The following SLC16A2 variants were observed in gnomAD, a reference collection of about 807,000 sequenced individuals.
SLC16A2 encodes the protein monocarboxylate transporter 8.
A neutral mutation model predicts 27.2 loss-of-function variants in SLC16A2; 3 were observed. The observed-to-expected ratio is 0.11, with a 90% CI of 0.05 to 0.28. SLC16A2 has a LOEUF of 0.28. SLC16A2 is among the 10% of genes least tolerant of loss of function. The probability of loss-of-function intolerance (pLI) is 1.00; values close to 1 mark genes in which losing one functional copy is unlikely to be tolerated. For missense variants in SLC16A2, 295 were observed against 458.5 expected (o/e 0.64, Z 3.26); for synonymous variants, 202 against 187.8 (o/e 1.08, Z -0.62).
intron 1 of SLC16A2, among the ~76,000 whole-genome samples, chrX:74,475,634 A>G (rs1474451169): frequency 8.9e-6 from 1 of 111,969 alleles, no homozygotes; most frequent in Non-Finnish European, 1.9e-5. Context: ...TAAATCTTTA[A>G]TCCATCTTGA....
At chrX:74,529,499 T>C (rs959474544) in intron 5 of SLC16A2, 58 bp downstream of exon 5, 6 of 896,084 alleles carry the variant, frequency 6.7e-6, no homozygotes, top group Non-Finnish European at 7.8e-6. Flanking sequence ...CCCTGGGTAC[T>C]GGCACTCCTG....
intron 1 of SLC16A2, among the ~76,000 whole-genome samples, chrX:74,519,473 G>A (rs1930368899): frequency 2.9e-5 from 3 of 103,166 alleles, no homozygotes; most frequent in Non-Finnish European, 4.0e-5. Flanking sequence ...CACCACGCCT[G>A]GCCCTGATCA....
Position 74,421,562 on chromosome X carries a change from C to T in SLC16A2, c.-76C>T. The T allele has an allele frequency of 8.8e-7, 1 of 1,137,733 alleles. No homozygotes were observed. The highest frequency in any genetic ancestry group is 1.2e-6 in the Non-Finnish European group (1 of 839,458). The allele number at this position is 1,137,733 out of a possible 1,213,427, so 93.8% of individuals were successfully genotyped here. A position where few individuals can be genotyped will look rare whatever the true frequency, so the allele number is the denominator to read the frequency against. ...GCAGCAGCAGCCCTCCGAGCAGCAG[C>T]AGCTGCAGCAGCAGAAACAAGTACC... On this transcript the variant is annotated 5_prime_UTR_variant, in exon 1 of 6. Transcript: ENST00000587091.
rs772493464 is a variant in SLC16A2, at chrX:74,522,673, A to G, written c.575+1539A>G. On this transcript the variant is annotated intron_variant, in intron 2 of 5. Coordinates refer to ENST00000587091, the MANE Select transcript of SLC16A2 (RefSeq NM_006517.5). ...CCTTCCAATCCACATGGGCTCAATT[A>G]CAGGAGGGGAAGGAGCTCAGATGTG... Among the ~76,000 whole-genome samples the G allele has an allele frequency of 5.0e-4, 56 of 112,177 alleles. No homozygotes were observed. The South Asian group carries it at 0.015, about 31-fold the overall frequency.
chrX:74,454,624 G>A (rs1470693127), intron 1 of SLC16A2, among the ~76,000 whole-genome samples: 1 of 108,387 alleles, frequency 9.2e-6, no homozygotes, highest in Admixed American at 9.9e-5. Flanking sequence ...TATACCTAAT[G>A]TTAAATGACG....
At chrX:74,496,707 T>C (rs1356099801) in intron 1 of SLC16A2, among the ~76,000 whole-genome samples, 1 of 112,567 alleles carries the variant, frequency 8.9e-6, no homozygotes, top group Non-Finnish European at 1.9e-5. Flanking sequence ...TGCCTTGGTG[T>C]ACCAGAAGAA....
At chrX:74,451,503 A>G (rs758300477) in intron 1 of SLC16A2, among the ~76,000 whole-genome samples, 3 of 112,403 alleles carry the variant, frequency 2.7e-5, no homozygotes, top group African/African-American at 6.5e-5. Flanking sequence ...CACTTTTCCA[A>G]TGAATCCCCT....
At chrX:74,495,761 G>A (rs1244471944) in intron 1 of SLC16A2, among the ~76,000 whole-genome samples, 1 of 111,329 alleles carries the variant, frequency 9.0e-6, no homozygotes, top group Non-Finnish European at 1.9e-5. Flanking sequence ...CTGTCAGGAA[G>A]GTCTTCCTGC....
At chrX:74,435,021 G>A (rs184721328) in intron 1 of SLC16A2, among the ~76,000 whole-genome samples, 78 of 106,866 alleles carry the variant, frequency 7.3e-4, no homozygotes, top group African/African-American at 2.3e-3. Flanking sequence ...TAGTAGAGAC[G>A]GGGTTTCACC....
chrX:74,488,043 G>A (rs764645895), intron 1 of SLC16A2, among the ~76,000 whole-genome samples: 3 of 111,718 alleles, frequency 2.7e-5, no homozygotes, highest in African/African-American at 6.5e-5. Context: ...AATTACTGGA[G>A]AGAGTTGAGA....
Position 74,421,905 on chromosome X carries a change from C to G in SLC16A2, c.268C>G (p.Arg90Gly), listed in dbSNP as rs1212806180. Reference protein sequence around the residue: ...TPTVETRGTARGFQPPEGGFG... With the variant: ...TPTVETRGTAGGFQPPEGGFG... ...TACGGTAGAGACCCGCGGCACCGCG[C>G]GCGGCTTCCAGCCTCCCGAAGGTGG... The change falls in exon 1 of 6, where the codon CGC becomes GGC. Residue 90 changes from arginine to glycine, a missense_variant. Physicochemically the swap from Arg to Gly is moderately radical, Grantham distance 125. Around this residue, in one of 3 missense-constraint regions of SLC16A2, gnomAD observed 92 missense variants for 85.1 expected, o/e 1.08. Coordinates refer to ENST00000587091, the MANE Select transcript of SLC16A2 (RefSeq NM_006517.5). 1 of 1,209,445 alleles carries G rather than the reference C, an allele frequency of 8.3e-7. No individual in the cohort carries two copies. Among genetic ancestry groups the G allele is most frequent in the Non-Finnish European group, 1.1e-6 (1 of 894,926 alleles).
intron 1 of SLC16A2, among the ~76,000 whole-genome samples, chrX:74,442,228 C>CA (rs1278847714): frequency 0.066 from 2,507 of 37,986 alleles, 150 homozygotes; most frequent in African/African-American, 0.19. Flanking sequence ...AACTCCGTCT[C>CA]AAAAAAAAAA....
At chrX:74,477,891 A>T (rs1407410112) in intron 1 of SLC16A2, among the ~76,000 whole-genome samples, 1 of 111,770 alleles carries the variant, frequency 8.9e-6, no homozygotes, top group Non-Finnish European at 1.9e-5. Context: ...TTTGCTGAGG[A>T]GTGCTTTACT....
At chrX:74,432,189 C>T (rs1241241769) in intron 1 of SLC16A2, among the ~76,000 whole-genome samples, 1 of 110,963 alleles carries the variant, frequency 9.0e-6, no homozygotes, top group Non-Finnish European at 1.9e-5. Context: ...CACTTCCTCC[C>T]GAGGGTCTCT....
Position 74,533,364 on chromosome X carries a change from T to C in SLC16A2, c.*1811T>C, listed in dbSNP as rs978867373. ...CCCCAAAGGAAAACCCACTGGTTCT[T>C]AGCTCTGTGGGTAGGAAGGGGCCCT... On this transcript the variant is annotated 3_prime_UTR_variant, in exon 6 of 6. Coordinates refer to ENST00000587091, the MANE Select transcript of SLC16A2 (RefSeq NM_006517.5). The C allele has an allele frequency of 8.9e-6, 1 of 112,380 alleles. No homozygotes were observed. Among genetic ancestry groups the C allele is most frequent in the Non-Finnish European group, 1.9e-5 (1 of 53,173 alleles). 9.3% of individuals were successfully genotyped at this position (112,380 alleles called of 1,213,427 possible).
At chrX:74,427,550 A>G (rs935569028) in intron 1 of SLC16A2, among the ~76,000 whole-genome samples, 1 of 112,109 alleles carries the variant, frequency 8.9e-6, no homozygotes, top group Non-Finnish European at 1.9e-5. Context: ...AGAAGTATAT[A>G]AAGGATGCCA....
intron 1 of SLC16A2, among the ~76,000 whole-genome samples, chrX:74,475,421 T>G (rs1292284068): frequency 2.1e-3 from 231 of 107,554 alleles, no homozygotes; most frequent in African/African-American, 6.8e-3. Flanking sequence ...TTTCTCCCAT[T>G]TTGTAGGTTG....
Position 74,459,325 on chromosome X carries a change from C to G in SLC16A2, c.430+37258C>G, listed in dbSNP as rs746686469. On this transcript the variant is annotated intron_variant, in intron 1 of 5. Transcript: ENST00000587091. ...AAGAAGAGGCTGAGGCCAGTGCCCC[C>G]CCAGGGGCTGGAGTTGAGTTGAAGT... 1.4e-4 allele frequency among the ~76,000 whole-genome samples: 10 copies of G among 73,569 alleles called. No individual in the cohort carries two copies. The South Asian group carries it at 6.7e-3, about 49-fold the overall frequency. 63.9% of individuals were successfully genotyped at this position (73,569 alleles called of 115,157 possible). A position where few individuals can be genotyped will look rare whatever the true frequency, so the allele number is the denominator to read the frequency against.
chrX:74,483,956 G>A (rs940559296), intron 1 of SLC16A2, among the ~76,000 whole-genome samples: 1 of 110,951 alleles, frequency 9.0e-6, no homozygotes, highest in Non-Finnish European at 1.9e-5. Flanking sequence ...CTTGGGATTA[G>A]AGGATGAGAG....
Sources: allele counts gnomAD v4.1 joint callset (sites outside exome capture counted in the v4.1 genomes callset), GRCh38; gene constraint gnomAD v4.1.1; regional missense constraint gnomAD v4.1.1; transcripts MANE v1.5; gene names NCBI Gene and HGNC (gene_info 2026-07-23, HGNC 2026-07-21).